PRSS3: variants seen among roughly 807,000 people sequenced by gnomAD.
PRSS3 encodes trypsin-3.
PRSS3 carries 14 observed loss-of-function variants against 20.8 expected under a neutral mutation model. The ratio of observed to expected loss-of-function variants is 0.67; its 90% CI spans 0.44 to 1.05. The LOEUF is 1.05. Ranked by LOEUF, PRSS3 falls within the 50% of genes least tolerant of loss-of-function variation. PRSS3 has a pLI of 0.00. For synonymous variants in PRSS3, 91 were observed against 117.6 expected, an observed-to-expected ratio of 0.77 and a Z score of 1.46; for missense variants, 237 against 306.4, an observed-to-expected ratio of 0.77 and a Z score of 1.69.
chr9:33,781,578 C>T (rs1370770492), intron 1 of PRSS3, among the ~76,000 whole-genome samples: 1 of 152,144 alleles, frequency 6.6e-6, no homozygotes, highest in East Asian at 1.9e-4. Context: ...CTATTGGGTA[C>T]TATGTTTGCT....
upstream of PRSS3, among the ~76,000 whole-genome samples, chr9:33,790,921 T>G (rs533106870): frequency 1.1e-4 from 17 of 152,356 alleles, no homozygotes; most frequent in African/African-American, 4.1e-4. Context: ...CAAAGGCATT[T>G]GAGTTTAGAT....
At chr9:33,798,767 C>A (rs954815290) in intron 4 of PRSS3, 145 bp downstream of exon 4, 4 of 1,346,972 alleles carry the variant, frequency 3.0e-6, no homozygotes, top group Admixed American at 2.0e-5. Context: ...GGGGCTGAGG[C>A]GGCTCCCTGC....
intron 1 of PRSS3, among the ~76,000 whole-genome samples, chr9:33,766,693 T>A (rs1272234879): frequency 6.6e-6 from 1 of 152,096 alleles, no homozygotes; most frequent in Non-Finnish European, 1.5e-5. Context: ...TGATTTAATT[T>A]ATATAAACTG....
chr9:33,778,874 A>G (rs375505259), intron 1 of PRSS3, among the ~76,000 whole-genome samples: 8 of 152,206 alleles, frequency 5.3e-5, no homozygotes, highest in African/African-American at 1.9e-4. Flanking sequence ...CCTGTGAACA[A>G]GAAAGTACAA....
intron 1 of PRSS3, among the ~76,000 whole-genome samples, chr9:33,772,103 C>G (rs997092664): frequency 6.6e-6 from 1 of 152,050 alleles, no homozygotes; most frequent in Admixed American, 6.6e-5. Flanking sequence ...AATTCCTGAC[C>G]TCAGGTGATC....
In PRSS3 at chr9:33,798,620, C is replaced by T. The variant is rs1825151774; in HGVS notation, c.589C>T (p.Gln197Ter). The change falls in exon 4 of 5, where the codon CAG becomes TAG. Residue 197 changes from glutamine (Q) to a stop codon, truncating the protein, a stop_gained and splice_region_variant. Transcript: ENST00000379405. LOFTEE classifies it high-confidence loss of function. Reference sequence around the variant, plus strand: ...CCTTGAGGGAGGCAAGGATTCCTGCCAGGTGATTTGACCCTTTCCCATGCT... The same window carrying T: ...CCTTGAGGGAGGCAAGGATTCCTGCTAGGTGATTTGACCCTTTCCCATGCT... ...GFLEGGKDSC[Q>*]RDSGGPVVCN... 1.9e-6 allele frequency: 3 copies of T among 1,614,092 alleles called. No individual in the cohort carries two copies. Among genetic ancestry groups the T allele is most frequent in the Non-Finnish European group, 2.5e-6 (3 of 1,179,978 alleles).
At chr9:33,785,247 G>A (rs13288276) in intron 1 of PRSS3, among the ~76,000 whole-genome samples, 84,157 of 138,232 alleles carry the variant, frequency 0.61, 25,736 homozygotes, top group East Asian at 0.82. Context: ...GCGCAATCTT[G>A]GCTCACTGCA....
At chr9:33,791,834 T>C (rs993308696), upstream of PRSS3, among the ~76,000 whole-genome samples, 22 of 152,326 alleles carry the variant, frequency 1.4e-4, no homozygotes, top group African/African-American at 5.1e-4. Flanking sequence ...CATGGAAGCC[T>C]GAAGAATAAA....
intron 1 of PRSS3, 38 bp from the exon 2 acceptor site, chr9:33,796,605 C>A (rs1341722419): frequency 1.9e-6 from 3 of 1,612,290 alleles, no homozygotes; most frequent in Non-Finnish European, 2.5e-6. Flanking sequence ...CCCTAACATG[C>A]TACTGACTTG....
chr9:33,764,180 A>T (rs1319439353), intron 1 of PRSS3, among the ~76,000 whole-genome samples: 1 of 152,222 alleles, frequency 6.6e-6, no homozygotes, highest in Non-Finnish European at 1.5e-5. Flanking sequence ...GGACACTTGG[A>T]TATTCACATG....
At chr9:33,782,243 A>G (rs1824216093) in intron 1 of PRSS3, among the ~76,000 whole-genome samples, 1 of 152,156 alleles carries the variant, frequency 6.6e-6, no homozygotes, top group African/African-American at 2.4e-5. Flanking sequence ...TGCCATTTCC[A>G]CAGGGAAAAA....
rs754706346 is a variant in PRSS3, at chr9:33,798,056, G to C, written c.428G>C (p.Gly143Ala). Residue 143 changes from glycine to alanine, a missense_variant, in exon 3 of 5, where the codon GGC becomes GCC. Gly to Ala is a moderately conservative substitution (Grantham distance 60). Coordinates refer to ENST00000379405, the MANE Select transcript of PRSS3 (RefSeq NM_002771.4). ...PAAGTECLISGWGNTLSFGAD... is the reference protein window; with the variant it reads ...PAAGTECLISAWGNTLSFGAD... ...GCTGGCACTGAGTGCCTCATCTCCG[G>C]CTGGGGCAACACTCTGAGCTTTGGT... 6.2e-6 allele frequency: 10 copies of C among 1,614,134 alleles called. No individual in the cohort carries two copies. The African/African-American group carries it at 1.3e-4, about 22-fold the overall frequency.
chr9:33,782,580 A>G (rs1349954953), intron 1 of PRSS3, among the ~76,000 whole-genome samples: 1 of 152,210 alleles, frequency 6.6e-6, no homozygotes, highest in East Asian at 1.9e-4. Flanking sequence ...TCTGACTTCA[A>G]GACTTACTAT....
chr9:33,781,110 G>A (rs776355701), intron 1 of PRSS3, among the ~76,000 whole-genome samples: 5 of 152,170 alleles, frequency 3.3e-5, no homozygotes, highest in African/African-American at 1.2e-4. Context: ...ATTAGTTCAG[G>A]CACTGAGGAA....
chr9:33,783,928 T>C (rs1824280609), intron 1 of PRSS3, among the ~76,000 whole-genome samples: 2 of 151,876 alleles, frequency 1.3e-5, no homozygotes, highest in South Asian at 4.2e-4. Flanking sequence ...GAGTCAGATT[T>C]ACATAAACTT....
At chr9:33,787,656 G>T (rs1824466713) in intron 1 of PRSS3, among the ~76,000 whole-genome samples, 1 of 152,174 alleles carries the variant, frequency 6.6e-6, no homozygotes, top group South Asian at 2.1e-4. Context: ...CCTGCTGCTT[G>T]GGCCATAGAC....
chr9:33,789,006 G>A (rs750825389), intron 1 of PRSS3, among the ~76,000 whole-genome samples: 37 of 152,026 alleles, frequency 2.4e-4, no homozygotes, highest in Non-Finnish European at 4.6e-4. Flanking sequence ...ATCCACTTGG[G>A]TCATTTACAA....
chr9:33,756,950 G>A (rs892322050), intron 1 of PRSS3, among the ~76,000 whole-genome samples: 2 of 152,190 alleles, frequency 1.3e-5, no homozygotes, highest in African/African-American at 2.4e-5. Flanking sequence ...TAAGTTGGCT[G>A]GCTTCATTGT....
At position 33,785,298 on chromosome 9, in the gene PRSS3, C is replaced by A. The variant is rs2734601; in HGVS notation, c.-52-9448C>A. ...GTTCACCCCATTCTCCTGCCTCAGC[C>A]TCCCAAGTAGCTGGGACTACAGGCG... On this transcript the variant is annotated intron_variant, in intron 1 of 5. Coordinates refer to the PRSS3 transcript ENST00000342836. 2.5e-3 allele frequency among the ~76,000 whole-genome samples: 369 copies of A among 149,294 alleles called. 2 individuals are homozygous for A. The highest frequency in any genetic ancestry group is 8.8e-3 in the African/African-American group (353 of 40,270).
Sources: gnomAD v4.1 joint callset for allele counts (sites outside exome capture counted in the v4.1 genomes callset) on GRCh38, gnomAD v4.1.1 for gene constraint, MANE v1.5 for transcripts, NCBI Gene and HGNC (gene_info 2026-07-23, HGNC 2026-07-21) for gene names.